The following UTRN variants were observed in gnomAD, a reference collection of about 807,000 sequenced individuals.
UTRN encodes the protein dystrophin-related protein 1.
A neutral mutation model predicts 463.9 loss-of-function variants in UTRN; 283 were observed. That is an observed-to-expected ratio of 0.61 (90% CI 0.55 to 0.67). The LOEUF is 0.67. UTRN is among the 30% of genes least tolerant of loss of function. UTRN has a pLI of 0.00. For synonymous variants in UTRN, 1,442 were observed against 1,431.5 expected, an observed-to-expected ratio of 1.01 and a Z score of -0.17; for missense variants, 3,922 against 4,084.3, an observed-to-expected ratio of 0.96 and a Z score of 1.08.
In UTRN at chr6:144,499,353, G is replaced by C. The variant is rs1401890815; in HGVS notation, c.4690G>C (p.Glu1564Gln). 1 of 1,613,908 alleles carries C rather than the reference G, an allele frequency of 6.2e-7. No homozygotes were observed. Among genetic ancestry groups the C allele is most frequent in the Non-Finnish European group, 8.5e-7 (1 of 1,179,878 alleles). Reference protein sequence around the residue: ...ASLSEWLSATETELVQKSTSE... With the variant: ...ASLSEWLSATQTELVQKSTSE... ...TCTCTCTGAATGGCTTTCTGCTACTGAAACTGAATTGGTACAGAAGTCCAC... is the reference window on the plus strand; with the variant it reads ...TCTCTCTGAATGGCTTTCTGCTACTCAAACTGAATTGGTACAGAAGTCCAC... Residue 1564 changes from glutamate (E) to glutamine (Q), a missense_variant, in exon 34 of 75, where the codon GAA (glutamate) becomes CAA (glutamine). Physicochemically the swap from Glu to Gln is conservative, Grantham distance 29 (BLOSUM62 2). Around this residue, in one of 3 missense-constraint regions of UTRN, gnomAD observed 2,349 missense variants for 2,303.8 expected, o/e 1.02. Coordinates refer to ENST00000367545, the MANE Select transcript of UTRN (RefSeq NM_007124.3).
At chr6:144,493,246 T>C in intron 32 of UTRN, 55 bp from the exon 33 acceptor site, 6 of 1,570,234 alleles carry the variant, frequency 3.8e-6, no homozygotes, top group Non-Finnish European at 5.2e-6. Flanking sequence ...ATGATGCCAG[T>C]TGGCAAGTTG....
At chr6:144,782,579 G>A (rs1775931923) in intron 61 of UTRN, among the ~76,000 whole-genome samples, 1 of 151,554 alleles carries the variant, frequency 6.6e-6, no homozygotes, top group African/African-American at 2.4e-5. Flanking sequence ...CATGAACGAG[G>A]TAGTCTTTTA....
At chr6:144,536,676 T>C (rs1797564108) in intron 43 of UTRN, among the ~76,000 whole-genome samples, 1 of 152,098 alleles carries the variant, frequency 6.6e-6, no homozygotes, top group Non-Finnish European at 1.5e-5. Flanking sequence ...TTAGGAATGA[T>C]ACAATACAAT....
chr6:144,718,689 A>G (rs1167050736), intron 53 of UTRN, among the ~76,000 whole-genome samples: 1 of 152,182 alleles, frequency 6.6e-6, no homozygotes, highest in East Asian at 1.9e-4. Context: ...GTCTGGTTTT[A>G]CTTTACCACA....
At chr6:144,556,628 T>G (rs1799408223) in intron 49 of UTRN, among the ~76,000 whole-genome samples, 1 of 152,220 alleles carries the variant, frequency 6.6e-6, no homozygotes, top group South Asian at 2.1e-4. Context: ...CCAATGCCAG[T>G]GGACAAATTC....
intron 2 of UTRN, among the ~76,000 whole-genome samples, chr6:144,347,012 A>C (rs1259573392): frequency 6.6e-6 from 1 of 152,198 alleles, no homozygotes; most frequent in Non-Finnish European, 1.5e-5. Flanking sequence ...AACAAGCTTG[A>C]AAATGTGAAA....
At position 144,781,965 on chromosome 6, in the gene UTRN, G is replaced by A. The variant is rs144092912; in HGVS notation, c.8676G>A (p.Gln2892=). The change falls in exon 61 of 75, where the codon CAG becomes CAA. Residue 2892 remains glutamine (Q), a synonymous_variant. Transcript: ENST00000367545. ...GTACAACAAATGAAATTTTCAAACA[G>A]CACAAGTTGAACCAAAATGACCAGC... is the stretch of plus-strand genomic sequence containing the variant. ...ELSTTNEIFK[Q]HKLNQNDQLL... is the part of the protein sequence containing the mutation. 1 of 1,613,952 alleles carries A rather than the reference G, an allele frequency of 6.2e-7. No individual in the cohort carries two copies. Among genetic ancestry groups the A allele is most frequent in the South Asian group, 1.1e-5 (1 of 91,064 alleles).
intron 69 of UTRN, among the ~76,000 whole-genome samples, chr6:144,832,368 T>C (rs2128758538): frequency 6.6e-6 from 1 of 152,322 alleles, no homozygotes; most frequent in South Asian, 2.1e-4. Context: ...AATGCAATGA[T>C]AGTGGGGATG....
chr6:144,792,275 G>C (rs919287012), intron 62 of UTRN, among the ~76,000 whole-genome samples: 1 of 152,150 alleles, frequency 6.6e-6, no homozygotes, highest in Non-Finnish European at 1.5e-5. Context: ...ACCAGGCACG[G>C]TGGCTCACAC....
chr6:144,503,203 C>T (rs1794371406), intron 34 of UTRN, among the ~76,000 whole-genome samples: 1 of 152,054 alleles, frequency 6.6e-6, no homozygotes, highest in Non-Finnish European at 1.5e-5. Flanking sequence ...CTCTAGGTTG[C>T]CTGTTCACTA....
At chr6:144,545,888 C>T (rs756364945) in intron 46 of UTRN, among the ~76,000 whole-genome samples, 15 of 152,080 alleles carry the variant, frequency 9.9e-5, no homozygotes, top group Non-Finnish European at 1.5e-4. Context: ...GGCGTGGTGG[C>T]GGGCGCCTGT....
chr6:144,461,100 C>A, intron 21 of UTRN, 97 bp from the exon 22 acceptor site: 1 of 1,048,920 alleles, frequency 9.5e-7, no homozygotes, highest in Non-Finnish European at 1.3e-6. Flanking sequence ...ATGGGGTCTC[C>A]TTTGCCATGT....
chr6:144,329,824 G>A (rs1316933150), intron 2 of UTRN, among the ~76,000 whole-genome samples: 1 of 152,182 alleles, frequency 6.6e-6, no homozygotes, highest in Non-Finnish European at 1.5e-5. Context: ...TGGCAGCAGT[G>A]TGCCACAGAG....
chr6:144,420,402 A>G (rs1292560257), intron 3 of UTRN, among the ~76,000 whole-genome samples: 1 of 152,206 alleles, frequency 6.6e-6, no homozygotes, highest in East Asian at 1.9e-4. Context: ...CCAGGTAGTT[A>G]AAGGTCAAAC....
intron 5 of UTRN, 81 bp downstream of exon 5, chr6:144,423,707 T>C (rs926527465): frequency 1.4e-6 from 2 of 1,471,356 alleles, no homozygotes; most frequent in Non-Finnish European, 1.9e-6. Flanking sequence ...GCTTGATGCA[T>C]TGGCATCCAC....
chr6:144,288,633 T>G, intron 1 of UTRN, among the ~76,000 whole-genome samples: 1 of 152,062 alleles, frequency 6.6e-6, no homozygotes, highest in Admixed American at 6.5e-5. Context: ...AATGTAATCA[T>G]ATAATAATCC....
At chr6:144,561,220 T>G in intron 50 of UTRN, among the ~76,000 whole-genome samples, 1 of 35,380 alleles carries the variant, frequency 2.8e-5, no homozygotes, top group South Asian at 2.0e-3. Flanking sequence ...TATATATATA[T>G]ATATATATAT....
chr6:144,637,108 A>C (rs1777257456), intron 51 of UTRN, among the ~76,000 whole-genome samples: 1 of 152,172 alleles, frequency 6.6e-6, no homozygotes, highest in African/African-American at 2.4e-5. Context: ...AGCTGGGACC[A>C]CAGGTGCATG....
chr6:144,436,273 A>T, intron 10 of UTRN, 135 bp downstream of exon 10: 1 of 938,306 alleles, frequency 1.1e-6, no homozygotes, highest in South Asian at 1.7e-5. Flanking sequence ...AGGAACTGTG[A>T]TATTTAAATA....
Sources: gnomAD v4.1 joint callset for allele counts (sites outside exome capture counted in the v4.1 genomes callset) on GRCh38, gnomAD v4.1.1 for gene constraint, gnomAD v4.1.1 regional missense constraint, MANE v1.5 for transcripts, NCBI Gene and HGNC (gene_info 2026-07-23, HGNC 2026-07-21) for gene names.